USH1C: variants seen among roughly 807,000 people sequenced by gnomAD.
USH1C encodes the protein USH1 protein network component harmonin.
USH1C carries 90 observed loss-of-function variants against 119.3 expected under a neutral mutation model. That is an observed-to-expected ratio of 0.75 (90% confidence interval 0.64 to 0.90). The LOEUF is 0.90. Ranked by LOEUF, USH1C falls within the 40% of genes least tolerant of loss-of-function variation. USH1C has a pLI of 0.00. For missense variants in USH1C, 1,165 were observed against 1,167.7 expected (o/e 1.00, Z 0.03); for synonymous variants, 465 against 443.3 (o/e 1.05, Z -0.62).
In USH1C at chr11:17,533,366, C is replaced by G. The variant is rs539980644; in HGVS notation, c.37-44G>C. 7.1e-6 allele frequency: 10 copies of G among 1,410,940 alleles called. No individual in the cohort carries two copies. In the African/African-American group the frequency reaches 1.6e-4, roughly 22 times the overall value. The allele number at this position is 1,410,940 out of a possible 1,614,324, so 87.4% of individuals were successfully genotyped here. A position where few individuals can be genotyped will look rare whatever the true frequency, so the allele number is the denominator to read the frequency against. On this transcript the variant is annotated intron_variant, in intron 1 of 26. Transcript: ENST00000005226. ...GAATCACAGCTCCAGGCTCAGCACC[C>G]GCCCCCATAGCAGACCTCAGGGAGG... is the stretch of plus-strand genomic sequence containing the variant.
Position 17,498,158 on chromosome 11 carries a change from T to A in USH1C, c.2490+4A>T. 6.2e-7 allele frequency: 1 copy of A among 1,613,548 alleles called. No individual in the cohort carries two copies. The highest frequency in any genetic ancestry group is 8.5e-7 in the Non-Finnish European group (1 of 1,179,480). On this transcript the variant is annotated splice_donor_region_variant and intron_variant, in intron 24 of 26. Transcript: ENST00000005226. The stretch of plus-strand genomic sequence containing the variant: ...AGGAAAGGAGGGAGGGGCCTTATTC[T>A]TACCCCGCCCTGATTCCAGGCCTTC...
chr11:17,531,623 T>C lies in USH1C; in HGVS notation c.105-81A>G. Reference sequence around the variant, plus strand: ...CCAGGGATTCCAAGAGGAAGCCATTTCAGCCACTGGGCCCAGGCTTAGGAA... The same window carrying C: ...CCAGGGATTCCAAGAGGAAGCCATTCCAGCCACTGGGCCCAGGCTTAGGAA... On this transcript the variant is annotated intron_variant, in intron 2 of 26. Coordinates refer to ENST00000005226, the MANE Select transcript of USH1C (RefSeq NM_153676.4). The surrounding 1 kb of genome is among the most constrained non-coding windows in gnomAD (Gnocchi z 4.2). 6.4e-7 allele frequency: 1 copy of C among 1,571,356 alleles called. No homozygotes were observed. Among genetic ancestry groups the C allele is most frequent in the Non-Finnish European group, 8.6e-7 (1 of 1,159,692 alleles).
At chr11:17,498,075 G>A (rs1849303145) in intron 24 of USH1C, 87 bp downstream of exon 24, 3 of 1,212,994 alleles carry the variant, frequency 2.5e-6, no homozygotes, top group Non-Finnish European at 2.4e-6. Flanking sequence ...CCTGGAATGA[G>A]GCATCCTATT....
At position 17,502,117 on chromosome 11, in the gene USH1C, G is replaced by T. The variant is rs569282178; in HGVS notation, c.2185-137C>A. On this transcript the variant is annotated intron_variant, in intron 20 of 26. Coordinates refer to ENST00000005226, the MANE Select transcript of USH1C (RefSeq NM_153676.4). The stretch of plus-strand genomic sequence containing the variant: ...GCGGGAGAAGGCACGGCCAGGGTAC[G>T]GGATGCAGACAGGAGGCCGGCAGCC... 37 of 825,376 alleles carry T rather than the reference G, an allele frequency of 4.5e-5. No individual in the cohort carries two copies. In the South Asian group the frequency reaches 6.5e-4, roughly 15 times the overall value. 51.1% of individuals were successfully genotyped at this position (825,376 alleles called of 1,614,324 possible). A position where few individuals can be genotyped will look rare whatever the true frequency, so the allele number is the denominator to read the frequency against.
chr11:17,516,367 G>T, intron 14 of USH1C, 77 bp from the exon 15 acceptor site: 1 of 1,414,506 alleles, frequency 7.1e-7, no homozygotes, highest in Non-Finnish European at 9.9e-7. Context: ...GATGGGAGCT[G>T]GGTTCCCAAG....
intron 16 of USH1C, among the ~76,000 whole-genome samples, chr11:17,511,439 G>A (rs1485736591): frequency 1.3e-5 from 2 of 152,114 alleles, no homozygotes; most frequent in Admixed American, 6.5e-5. Flanking sequence ...TACAAGCAAG[G>A]CAGAAGGGTT....
intron 15 of USH1C, among the ~76,000 whole-genome samples, chr11:17,513,029 TCTC>T (rs1849962802): frequency 6.6e-6 from 1 of 152,158 alleles, no homozygotes; most frequent in East Asian, 1.9e-4. Flanking sequence ...ATACCAATGA[TCTC>T]CTATGTAGGT....
At chr11:17,508,009 TC>T (rs1849716957) in intron 18 of USH1C, among the ~76,000 whole-genome samples, 1 of 152,130 alleles carries the variant, frequency 6.6e-6, no homozygotes, top group African/African-American at 2.4e-5. Context: ...GGCATGTCAA[TC>T]TCCTCTGCAT....
intron 4 of USH1C, among the ~76,000 whole-genome samples, 169 bp downstream of exon 4, chr11:17,530,985 T>G (rs1242696120): frequency 6.6e-6 from 1 of 152,224 alleles, no homozygotes; most frequent in Non-Finnish European, 1.5e-5. Flanking sequence ...GCCTGCGGCC[T>G]GATTTCTATG....
intron 24 of USH1C, 34 bp from the exon 25 acceptor site, chr11:17,496,847 C>T (rs2133768401): frequency 6.2e-7 from 1 of 1,613,242 alleles, no homozygotes. Context: ...CTGGGGCACA[C>T]TCAGTTGGAT....
At chr11:17,512,171 G>T in intron 15 of USH1C, 117 bp from the exon 16 acceptor site, 2 of 1,161,586 alleles carry the variant, frequency 1.7e-6, no homozygotes, top group Non-Finnish European at 2.6e-6. Flanking sequence ...CCCTCCCCCA[G>T]CTCTCTCACC....
chr11:17,513,729 C>A (rs1230006802), intron 15 of USH1C, among the ~76,000 whole-genome samples: 1 of 152,050 alleles, frequency 6.6e-6, no homozygotes. Flanking sequence ...CCAAGAGGAG[C>A]CAGAAACACT....
chr11:17,529,875 G>A (rs554539200), intron 4 of USH1C, among the ~76,000 whole-genome samples: 2 of 152,340 alleles, frequency 1.3e-5, no homozygotes, highest in South Asian at 4.1e-4. Context: ...CCCAGTCATC[G>A]AGGCAGCATT....
At chr11:17,525,347 CT>C (rs1850620643) in intron 8 of USH1C, among the ~76,000 whole-genome samples, 1 of 152,194 alleles carries the variant, frequency 6.6e-6, no homozygotes, top group African/African-American at 2.4e-5. Flanking sequence ...AAAGGTGGGA[CT>C]TTTTATCACT....
intron 6 of USH1C, 21 bp from the exon 7 acceptor site, chr11:17,526,831 A>G: frequency 6.2e-7 from 1 of 1,610,870 alleles, no homozygotes; most frequent in Non-Finnish European, 8.5e-7. Context: ...GGGAAAATAG[A>G]TGGGAGGGTG....
chr11:17,539,833 C>CTTTTTTTTTT (rs34881002), intron 1 of USH1C, among the ~76,000 whole-genome samples: 7 of 126,188 alleles, frequency 5.5e-5, no homozygotes, highest in Admixed American at 8.0e-5. Flanking sequence ...CTTTCTTTTT[C>CTTTTTTTTTT]TTTTTTTTTT....
At chr11:17,495,831 A>G (rs1444121838) in intron 25 of USH1C, among the ~76,000 whole-genome samples, 154 bp from the exon 26 acceptor site, 2 of 108,142 alleles carry the variant, frequency 1.8e-5, no homozygotes, top group African/African-American at 6.0e-5. Context: ...GGTTTCTCCA[A>G]GACATGTGTA....
intron 13 of USH1C, 119 bp from the exon 14 acceptor site, chr11:17,521,113 CA>C: frequency 7.2e-7 from 1 of 1,383,990 alleles, no homozygotes; most frequent in Non-Finnish European, 1.0e-6. Context: ...CATGATGAAT[CA>C]AGCAAAGTCC....
At chr11:17,506,976 C>G (rs1418539717) in intron 18 of USH1C, among the ~76,000 whole-genome samples, 1 of 152,224 alleles carries the variant, frequency 6.6e-6, no homozygotes, top group East Asian at 1.9e-4. Context: ...AAATGAATGA[C>G]TAAATAGTAT....
Sources: gnomAD v4.1 joint callset for allele counts (sites outside exome capture counted in the v4.1 genomes callset) on GRCh38, gnomAD v4.1.1 for gene constraint, Gnocchi (gnomAD v3.1) non-coding constraint, MANE v1.5 for transcripts, NCBI Gene and HGNC (gene_info 2026-07-23, HGNC 2026-07-21) for gene names.